The following TBC1D5 variants were observed in gnomAD, a reference collection of about 807,000 sequenced individuals.
The protein encoded by TBC1D5 is TBC1 domain family member 5.
A neutral mutation model predicts 100.3 loss-of-function variants in TBC1D5; 75 were observed. The ratio of observed to expected loss-of-function variants is 0.75; its 90% CI spans 0.62 to 0.91. The LOEUF (loss-of-function observed/expected upper bound fraction) is 0.91. Among genes scored for constraint, TBC1D5 ranks in the 40% least tolerant of loss-of-function variants. The probability of loss-of-function intolerance (pLI) is 0.00; values close to 1 mark genes in which losing one functional copy is unlikely to be tolerated. For missense variants in TBC1D5, 910 were observed against 942.4 expected (o/e 0.97, Z 0.45); for synonymous variants, 323 against 325.6 (o/e 0.99, Z 0.09).
rs150599510 is a variant in TBC1D5, at chr3:17,381,946, C to T, written c.612+1967G>A. On this transcript the variant is annotated intron_variant, in intron 9 of 21. Transcript: ENST00000253692. The stretch of plus-strand genomic sequence containing the variant: ...TTTCTTTATTTTACCATATTCAGAT[C>T]CCATATATAACTGAACCTGTTTCTA... Among the ~76,000 whole-genome samples the T allele has an allele frequency of 3.4e-3, 520 of 152,086 alleles. 2 individuals carry two copies. Among genetic ancestry groups the T allele is most frequent in the African/African-American group, 0.012 (506 of 41,508 alleles).
chr3:17,365,535 T>C (rs1414954006), intron 13 of TBC1D5, among the ~76,000 whole-genome samples: 4 of 152,240 alleles, frequency 2.6e-5, no homozygotes, highest in Non-Finnish European at 4.4e-5. Context: ...AATTTAAGCC[T>C]TCAGGCTATG....
At chr3:17,539,141 G>C (rs770247107) in intron 2 of TBC1D5, among the ~76,000 whole-genome samples, 6 of 152,060 alleles carry the variant, frequency 3.9e-5, no homozygotes, top group African/African-American at 9.7e-5. Flanking sequence ...AGCCAAGATC[G>C]CACCACTGCA....
At chr3:17,491,369 G>C (rs753133309) in intron 3 of TBC1D5, among the ~76,000 whole-genome samples, 9 of 152,170 alleles carry the variant, frequency 5.9e-5, no homozygotes, top group African/African-American at 1.9e-4. Context: ...TGGTGAGAGA[G>C]GGTGTTCTTA....
At chr3:17,293,404 T>C (rs1575166676) in intron 14 of TBC1D5, among the ~76,000 whole-genome samples, 3 of 152,228 alleles carry the variant, frequency 2.0e-5, no homozygotes, top group South Asian at 2.1e-4. Flanking sequence ...AGAATTCTTA[T>C]ATATTTTGTA....
intron 9 of TBC1D5, among the ~76,000 whole-genome samples, chr3:17,383,253 C>G (rs2093021964): frequency 6.6e-6 from 1 of 151,662 alleles, no homozygotes; most frequent in South Asian, 2.1e-4. Flanking sequence ...AAGAATTTAG[C>G]TTGAATTCTC....
At chr3:17,522,194 G>A (rs1279609672) in intron 2 of TBC1D5, among the ~76,000 whole-genome samples, 1 of 151,956 alleles carries the variant, frequency 6.6e-6, no homozygotes, top group Non-Finnish European at 1.5e-5. Context: ...ATCTGACTTG[G>A]GGGTTTCTCT....
intron 2 of TBC1D5, among the ~76,000 whole-genome samples, chr3:17,548,280 A>G (rs1288022746): frequency 3.9e-5 from 6 of 152,200 alleles, no homozygotes. Flanking sequence ...ACACTACTGC[A>G]CTAAGGATGG....
intron 4 of TBC1D5, among the ~76,000 whole-genome samples, chr3:17,417,333 C>A: frequency 7.9e-6 from 1 of 127,002 alleles, no homozygotes; most frequent in African/African-American, 3.1e-5. Context: ...TAATGCTATC[C>A]CTCCCCCCTC....
At chr3:17,302,132 G>A (rs1325431855) in intron 14 of TBC1D5, among the ~76,000 whole-genome samples, 1 of 152,100 alleles carries the variant, frequency 6.6e-6, no homozygotes, top group Non-Finnish European at 1.5e-5. Flanking sequence ...TCCTGCTTCT[G>A]GTGTTAGCAG....
At chr3:17,384,141 A>G in intron 8 of TBC1D5, 126 bp from the exon 9 acceptor site, 3 of 719,852 alleles carry the variant, frequency 4.2e-6, no homozygotes, top group South Asian at 2.4e-5. Flanking sequence ...TTGCCATGTA[A>G]CTTATGCCTT....
At position 17,546,638 on chromosome 3, in the gene TBC1D5, A is replaced by G. The variant is rs535720125; in HGVS notation, c.-35-38033T>C. On this transcript the variant is annotated intron_variant, in intron 2 of 21. Transcript: ENST00000253692. ...AAAAAAAATAACCGGGCATGGCGGCATGAACCTGTACTCCCAGCTACTTAG... is the reference window on the plus strand; with the variant it reads ...AAAAAAAATAACCGGGCATGGCGGCGTGAACCTGTACTCCCAGCTACTTAG... 3.3e-5 allele frequency among the ~76,000 whole-genome samples: 5 copies of G among 151,824 alleles called. No homozygotes were observed. The South Asian group carries it at 1.0e-3, about 32-fold the overall frequency.
intron 2 of TBC1D5, among the ~76,000 whole-genome samples, chr3:17,579,577 C>T (rs2096679972): frequency 6.6e-6 from 1 of 152,074 alleles, no homozygotes; most frequent in African/African-American, 2.4e-5. Context: ...CTACACTTCA[C>T]TATTTTTATC....
At chr3:17,261,947 T>C (rs776351598) in intron 15 of TBC1D5, among the ~76,000 whole-genome samples, 1 of 152,142 alleles carries the variant, frequency 6.6e-6, no homozygotes, top group Non-Finnish European at 1.5e-5. Context: ...TAGAATTCTA[T>C]ATATGTAAAA....
At chr3:17,563,846 G>C (rs1271300922) in intron 2 of TBC1D5, among the ~76,000 whole-genome samples, 1 of 152,138 alleles carries the variant, frequency 6.6e-6, no homozygotes, top group African/African-American at 2.4e-5. Context: ...GCAGTGGCTT[G>C]ATCTCAGCTC....
At chr3:17,663,250 TATTTG>T (rs2066848115) in intron 1 of TBC1D5, 1 of 133,138 alleles carries the variant, frequency 7.5e-6, no homozygotes, top group Non-Finnish European at 1.6e-5. Context: ...GAACAATATA[TATTTG>T]ATTACATAAA....
At chr3:17,173,096 T>C (rs2067329688) in intron 19 of TBC1D5, among the ~76,000 whole-genome samples, 2 of 152,026 alleles carry the variant, frequency 1.3e-5, no homozygotes, top group African/African-American at 4.8e-5. Flanking sequence ...GTACGTGCCA[T>C]GTTACCTCAG....
At chr3:17,218,927 G>A in intron 17 of TBC1D5, among the ~76,000 whole-genome samples, 1 of 151,676 alleles carries the variant, frequency 6.6e-6, no homozygotes, top group East Asian at 1.9e-4. Context: ...CTTCTTTGAG[G>A]TATGTACTAA....
chr3:17,376,517 A>G lies in TBC1D5; in HGVS notation c.701+8T>C, dbSNP rs1304589766. On this transcript the variant is annotated splice_region_variant and intron_variant, in intron 10 of 21. Coordinates refer to ENST00000253692, the Ensembl canonical transcript of TBC1D5. ...ACAAATGGAGCTCATATTAAAAAAA[A>G]AACTTGCCTGGGCTGTGCAGACTCA... 6.3e-7 allele frequency: 1 copy of G among 1,587,318 alleles called. No homozygotes were observed. The highest frequency in any genetic ancestry group is 8.5e-7 in the Non-Finnish European group (1 of 1,172,650).
At chr3:17,402,900 A>T (rs1297859824) in intron 8 of TBC1D5, among the ~76,000 whole-genome samples, 1 of 152,160 alleles carries the variant, frequency 6.6e-6, no homozygotes, top group Admixed American at 6.6e-5. Context: ...CTTAAATATG[A>T]CTTCAAATAA....
Sources: allele counts gnomAD v4.1 joint callset (sites outside exome capture counted in the v4.1 genomes callset), GRCh38; gene constraint gnomAD v4.1.1; transcripts MANE v1.5; gene names NCBI Gene and HGNC (gene_info 2026-07-23, HGNC 2026-07-21).